Variants in SLC8A1 observed in about 807,000 individuals in gnomAD.
SLC8A1 encodes the protein solute carrier family 8 member A1.
SLC8A1 carries 18 observed loss-of-function variants against 68.3 expected under a neutral mutation model. That is an observed-to-expected ratio of 0.26 (90% CI 0.18 to 0.39). The LOEUF is 0.39. Among genes scored for constraint, SLC8A1 ranks in the 10% least tolerant of loss-of-function variants. The pLI, the probability that SLC8A1 is intolerant of heterozygous loss-of-function variation, is 1.00. For synonymous variants in SLC8A1, 475 were observed against 415.5 expected, an observed-to-expected ratio of 1.14 and a Z score of -1.74; for missense variants, 985 against 1,156.7, an observed-to-expected ratio of 0.85 and a Z score of 2.15.
At chr2:40,175,137 C>G in intron 3 of SLC8A1, 124 bp downstream of exon 4, 1 of 983,026 alleles carries the variant, frequency 1.0e-6, no homozygotes, top group Non-Finnish European at 1.6e-6. Context: ...AGGTCAATGG[C>G]CCTAAACAAC....
chr2:40,260,349 G>C (rs545333572), intron 2 of SLC8A1, among the ~76,000 whole-genome samples: 1 of 152,150 alleles, frequency 6.6e-6, no homozygotes, highest in Admixed American at 6.5e-5. Flanking sequence ...ATAGAAGATA[G>C]GTCTGTGGTC....
chr2:40,247,597 T>C (rs986538758), intron 2 of SLC8A1, among the ~76,000 whole-genome samples: 2 of 152,244 alleles, frequency 1.3e-5, no homozygotes, highest in African/African-American at 4.8e-5. Flanking sequence ...TCACATTAGC[T>C]GTATTGGCCT....
At chr2:40,191,098 C>G (rs1207789607) in intron 2 of SLC8A1, among the ~76,000 whole-genome samples, 3 of 152,014 alleles carry the variant, frequency 2.0e-5, no homozygotes, top group African/African-American at 7.2e-5. Flanking sequence ...GTGAAATACT[C>G]CTTGAATGTC....
At chr2:40,347,076 T>C (rs1428113684) in intron 2 of SLC8A1, among the ~76,000 whole-genome samples, 1 of 152,222 alleles carries the variant, frequency 6.6e-6, no homozygotes. Flanking sequence ...TAGCACTTTG[T>C]ATAGAAGGTT....
At chr2:40,226,029 G>C (rs1050024445) in intron 2 of SLC8A1, among the ~76,000 whole-genome samples, 9 of 152,136 alleles carry the variant, frequency 5.9e-5, no homozygotes, top group African/African-American at 2.2e-4. Flanking sequence ...GCACAGGCTT[G>C]TGATGAATTC....
intron 2 of SLC8A1, among the ~76,000 whole-genome samples, chr2:40,333,401 G>A (rs2076629480): frequency 7.5e-6 from 1 of 133,626 alleles, no homozygotes; most frequent in Admixed American, 8.5e-5. Context: ...TCGCACCACT[G>A]CACTCCAGCC....
At chr2:40,233,633 G>C (rs1036499088) in intron 2 of SLC8A1, among the ~76,000 whole-genome samples, 1 of 138,796 alleles carries the variant, frequency 7.2e-6, no homozygotes, top group African/African-American at 2.7e-5. Context: ...GGCTTTTGTT[G>C]TCATTGCTTT....
intron 2 of SLC8A1, among the ~76,000 whole-genome samples, chr2:40,281,130 T>G (rs1232614461): frequency 6.6e-6 from 1 of 152,124 alleles, no homozygotes; most frequent in Non-Finnish European, 1.5e-5. Flanking sequence ...TGAAACATAC[T>G]TCACCAAAGC....
intron 2 of SLC8A1, among the ~76,000 whole-genome samples, chr2:40,181,761 A>G (rs948049187): frequency 3.9e-5 from 6 of 152,144 alleles, no homozygotes; most frequent in Non-Finnish European, 7.4e-5. Context: ...GAACAGAACA[A>G]TTTCTCCCCT....
chr2:40,187,424 G>A (rs2050899389), intron 2 of SLC8A1, among the ~76,000 whole-genome samples: 1 of 152,174 alleles, frequency 6.6e-6, no homozygotes, highest in African/African-American at 2.4e-5. Context: ...TTGTCAAATG[G>A]TTATTGAAAT....
At chr2:40,219,461 C>T (rs949156926) in intron 2 of SLC8A1, among the ~76,000 whole-genome samples, 53 of 152,174 alleles carry the variant, frequency 3.5e-4, no homozygotes, top group African/African-American at 1.3e-3. Context: ...CCTTTAAGAG[C>T]TCATTGAAGA....
intron 1 of SLC8A1, among the ~76,000 whole-genome samples, chr2:40,475,032 TA>T (rs891766392): frequency 3.3e-4 from 50 of 152,202 alleles, no homozygotes; most frequent in Non-Finnish European, 2.9e-4. Context: ...GTTTAACTTA[TA>T]AAAAAATTAT....
Position 40,151,509 on chromosome 2 carries a change from T to A in SLC8A1, c.2161+9256A>T, listed in dbSNP as rs193122946. Among the ~76,000 whole-genome samples the A allele has an allele frequency of 3.2e-3, 495 of 152,312 alleles. 5 individuals are homozygous for A. Among genetic ancestry groups the A allele is most frequent in the African/African-American group, 0.011 (477 of 41,570 alleles). ...ATTTGCGGTTGTTGTTGTTTTTTTT[T>A]ATTTAGATTCTTCCTACTTCTAAGA... On this transcript the variant is annotated intron_variant, in intron 6 of 7. Transcript: ENST00000406785.
At chr2:40,181,690 G>A (rs954686135) in intron 2 of SLC8A1, among the ~76,000 whole-genome samples, 2 of 152,292 alleles carry the variant, frequency 1.3e-5, no homozygotes, top group Non-Finnish European at 2.9e-5. Flanking sequence ...TTATGAATTA[G>A]CCCTTTAAAT....
chr2:40,342,644 T>C (rs1055744090), intron 2 of SLC8A1, among the ~76,000 whole-genome samples: 1 of 152,152 alleles, frequency 6.6e-6, no homozygotes, highest in Non-Finnish European at 1.5e-5. Context: ...ACAAGGAATT[T>C]AGGGAACTTA....
chr2:40,212,158 G>C (rs1048819963), intron 2 of SLC8A1, among the ~76,000 whole-genome samples: 1 of 151,976 alleles, frequency 6.6e-6, no homozygotes, highest in South Asian at 2.1e-4. Context: ...ATGGCCCAGA[G>C]AGAGAGACAG....
intron 2 of SLC8A1, among the ~76,000 whole-genome samples, chr2:40,311,617 T>C (rs753341215): frequency 8.5e-5 from 13 of 152,100 alleles, no homozygotes; most frequent in Non-Finnish European, 1.5e-4. Flanking sequence ...AGAATATATC[T>C]GGAAGGACAT....
At chr2:40,498,327 A>G (rs1393687692) in intron 1 of SLC8A1, among the ~76,000 whole-genome samples, 3 of 152,112 alleles carry the variant, frequency 2.0e-5, no homozygotes, top group Admixed American at 6.6e-5. Context: ...TTGTTCAGAC[A>G]TTTTGCAAAA....
At chr2:40,231,782 T>C (rs747708124) in intron 2 of SLC8A1, among the ~76,000 whole-genome samples, 1 of 152,114 alleles carries the variant, frequency 6.6e-6, no homozygotes, top group Non-Finnish European at 1.5e-5. Flanking sequence ...ATCAATAGCA[T>C]CCACCTTTAC....
Sources: allele counts gnomAD v4.1 joint callset (sites outside exome capture counted in the v4.1 genomes callset), GRCh38; gene constraint gnomAD v4.1.1; transcripts MANE v1.5; gene names NCBI Gene and HGNC (gene_info 2026-07-23, HGNC 2026-07-21).